GPT2: variants seen among roughly 807,000 people sequenced by gnomAD.
GPT2 encodes alanine aminotransferase 2.
Under a neutral mutation model 56.9 loss-of-function variants are expected in GPT2, and 30 were observed. The observed-to-expected ratio is 0.53, with a 90% CI of 0.39 to 0.72. The LOEUF is 0.72. Among genes scored for constraint, GPT2 ranks in the 30% least tolerant of loss-of-function variants. The probability of loss-of-function intolerance (pLI) is 0.00; values close to 1 mark genes in which losing one functional copy is unlikely to be tolerated. For missense variants in GPT2, 542 were observed against 703.4 expected, an observed-to-expected ratio of 0.77 and a Z score of 2.60; for synonymous variants, 271 against 283.1, an observed-to-expected ratio of 0.96 and a Z score of 0.43.
At chr16:46,912,011 C>G (rs1488605914) in intron 6 of GPT2, among the ~76,000 whole-genome samples, 1 of 152,118 alleles carries the variant, frequency 6.6e-6, no homozygotes, top group Non-Finnish European at 1.5e-5. Flanking sequence ...GTGGGCAGGA[C>G]CTGGCCTTGC....
At position 46,929,153 on chromosome 16, in the gene GPT2, T is replaced by G. The variant is rs1006867768; in HGVS notation, c.*156T>G. 1.7e-5 allele frequency: 11 copies of G among 629,512 alleles called. 1 individual carries two copies. Among genetic ancestry groups the G allele is most frequent in the African/African-American group, 1.5e-4 (8 of 54,426 alleles). The allele number at this position is 629,512 out of a possible 1,614,324, so 39.0% of individuals were successfully genotyped here. A position where few individuals can be genotyped will look rare whatever the true frequency, so the allele number is the denominator to read the frequency against. On this transcript the variant is annotated 3_prime_UTR_variant, in exon 12 of 12. Coordinates refer to ENST00000340124, the MANE Select transcript of GPT2 (RefSeq NM_133443.4). ...CCCTGGAGACGTCTTTCTTTGTGCC[T>G]TGATGTTGAGAGCGCCTCTCTTTTG...
At chr16:46,894,151 G>A (rs1960639996) in intron 2 of GPT2, among the ~76,000 whole-genome samples, 1 of 152,216 alleles carries the variant, frequency 6.6e-6, no homozygotes, top group Non-Finnish European at 1.5e-5. Flanking sequence ...ACCCAAGAAT[G>A]GAGGTGCTGT....
chr16:46,900,980 G>C (rs1387984874), intron 4 of GPT2, among the ~76,000 whole-genome samples, 190 bp downstream of exon 4: 1 of 152,352 alleles, frequency 6.6e-6, no homozygotes, highest in East Asian at 1.9e-4. Flanking sequence ...TTATTAAGCA[G>C]GCGGTGCCGG....
chr16:46,918,666 T>C lies in GPT2; in HGVS notation c.946T>C (p.Phe316Leu), dbSNP rs779770446. 3.4e-5 allele frequency: 55 copies of C among 1,614,054 alleles called. 1 individual carries two copies. The highest frequency in any genetic ancestry group is 3.4e-6 in the Non-Finnish European group (4 of 1,180,016). ...CTCTCCAGATTGCAGATTCCACTCC[T>C]TCAAGAAGGTGCTGTACGAGATGGG... ...VYSPDCRFHS[F>L]KKVLYEMGPE... Residue 316 changes from phenylalanine to leucine, a missense_variant, in exon 8 of 12, where the codon TTC (phenylalanine) becomes CTC (leucine). Coordinates refer to ENST00000340124, the MANE Select transcript of GPT2 (RefSeq NM_133443.4).
In GPT2 at chr16:46,918,844, C is replaced by A. The variant is rs1961225177; in HGVS notation, c.1037+87C>A. The A allele has an allele frequency of 7.3e-6, 11 of 1,506,786 alleles. No homozygotes were observed. In the Admixed American group the frequency reaches 1.9e-4, roughly 27 times the overall value. The allele number at this position is 1,506,786 out of a possible 1,614,324, so 93.3% of individuals were successfully genotyped here. ...CCTCTGCCCTGCCCCGTGGTCCACC[C>A]ACTTGGATGGAGAGAAGGCTGCCCT... On this transcript the variant is annotated intron_variant, in intron 8 of 11. Coordinates refer to ENST00000340124, the MANE Select transcript of GPT2 (RefSeq NM_133443.4).
At chr16:46,922,476 G>A in intron 9 of GPT2, 60 bp downstream of exon 9, 1 of 1,482,786 alleles carries the variant, frequency 6.7e-7, no homozygotes, top group Non-Finnish European at 9.1e-7. Context: ...TTCCTGCTGG[G>A]CCAGTGGCCA....
intron 6 of GPT2, among the ~76,000 whole-genome samples, chr16:46,914,263 G>A (rs1188305644): frequency 6.6e-6 from 1 of 152,086 alleles, no homozygotes; most frequent in Non-Finnish European, 1.5e-5. Flanking sequence ...GGGGCTGGGT[G>A]CGGTGGCTCA....
intron 8 of GPT2, among the ~76,000 whole-genome samples, chr16:46,919,243 C>A (rs1321542542): frequency 1.3e-5 from 2 of 152,230 alleles, no homozygotes; most frequent in East Asian, 3.8e-4. Flanking sequence ...GCACTGATCT[C>A]AGCACCGCGG....
intron 3 of GPT2, among the ~76,000 whole-genome samples, chr16:46,900,370 G>C (rs527668351): frequency 3.9e-5 from 6 of 152,262 alleles, no homozygotes; most frequent in African/African-American, 1.2e-4. Flanking sequence ...ATTGTGCCTT[G>C]GGTGTGTGAG....
intron 11 of GPT2, 88 bp from the exon 12 acceptor site, chr16:46,928,819 T>C (rs952643870): frequency 3.8e-5 from 37 of 974,772 alleles, no homozygotes; most frequent in Non-Finnish European, 5.9e-5. Context: ...ACCTCCCTCT[T>C]CCATTCCTAG....
At chr16:46,885,054 C>T in intron 2 of GPT2, 96 bp downstream of exon 2, 1 of 1,364,480 alleles carries the variant, frequency 7.3e-7, no homozygotes, top group Non-Finnish European at 9.5e-7. Context: ...CGTCCACCCC[C>T]ATGGCCAGCT....
At chr16:46,901,286 G>C (rs1290992473) in intron 4 of GPT2, among the ~76,000 whole-genome samples, 1 of 152,184 alleles carries the variant, frequency 6.6e-6, no homozygotes, top group Middle Eastern at 3.2e-3. Context: ...GATGGTGCCA[G>C]TACCCCCTGG....
chr16:46,885,471 T>C, intron 2 of GPT2: 1 of 985,476 alleles, frequency 1.0e-6, no homozygotes, highest in Non-Finnish European at 1.2e-6. Context: ...CTTTAGGGTC[T>C]TTGCCAATCC....
chr16:46,888,018 T>A (rs1351350838), intron 2 of GPT2, among the ~76,000 whole-genome samples: 1 of 152,234 alleles, frequency 6.6e-6, no homozygotes, highest in Non-Finnish European at 1.5e-5. Flanking sequence ...TAAGCTGCAA[T>A]TAAAAGGAGT....
At chr16:46,899,036 T>TATATA (rs1567335294) in intron 3 of GPT2, among the ~76,000 whole-genome samples, 1 of 62,346 alleles carries the variant, frequency 1.6e-5, no homozygotes, top group Admixed American at 1.7e-4. Flanking sequence ...TATATATATA[T>TATATA]TTTTTTTTTT....
intron 4 of GPT2, among the ~76,000 whole-genome samples, chr16:46,903,021 G>A (rs1392632041): frequency 6.6e-6 from 1 of 152,076 alleles, no homozygotes; most frequent in Non-Finnish European, 1.5e-5. Flanking sequence ...GGCCAAGGCA[G>A]GTTGATCACC....
chr16:46,930,804 AAAAACTTTAC>A lies in GPT2; in HGVS notation c.*1810_*1819del, dbSNP rs1202559052. On this transcript the variant is annotated 3_prime_UTR_variant, in exon 12 of 12. Coordinates refer to ENST00000340124, the MANE Select transcript of GPT2 (RefSeq NM_133443.4). Reference sequence around the variant, plus strand: ...AATCTTCAGATTATAAACAGCCCCTAAAAACTTTACAACGTTTACACAGTTTTTTAAAAAG... The same window carrying A: ...AATCTTCAGATTATAAACAGCCCCTAAACGTTTACACAGTTTTTTAAAAAG... 2 of 152,670 alleles carry A rather than the reference AAAAACTTTAC, an allele frequency of 1.3e-5. No homozygotes were observed. Among genetic ancestry groups the A allele is most frequent in the African/African-American group, 4.8e-5 (2 of 41,456 alleles). The allele number at this position is 152,670 out of a possible 1,614,324, so 9.5% of individuals were successfully genotyped here.
At chr16:46,927,188 C>G in intron 11 of GPT2, 151 bp downstream of exon 11, 1 of 470,030 alleles carries the variant, frequency 2.1e-6, no homozygotes, top group Non-Finnish European at 3.8e-6. Context: ...GCTGCAGACC[C>G]AAGCTCAGAC....
chr16:46,918,834 G>A (rs1296662612), intron 8 of GPT2, 77 bp downstream of exon 8: 41 of 1,553,002 alleles, frequency 2.6e-5, no homozygotes, highest in Non-Finnish European at 3.2e-5. Context: ...GCCCTGCCCC[G>A]TGGTCCACCC....
Sources: gnomAD v4.1 joint callset for allele counts (sites outside exome capture counted in the v4.1 genomes callset) on GRCh38, gnomAD v4.1.1 for gene constraint, MANE v1.5 for transcripts, NCBI Gene and HGNC (gene_info 2026-07-23, HGNC 2026-07-21) for gene names.